The following MEX3D variants were observed in gnomAD, a reference collection of about 807,000 sequenced individuals.
MEX3D encodes RNA-binding protein MEX3D.
Under a neutral mutation model 6.3 loss-of-function variants are expected in MEX3D, and 4 were observed. That is an observed-to-expected ratio of 0.64 (90% CI 0.31 to 1.46). The LOEUF (loss-of-function observed/expected upper bound fraction) is 1.46, where lower values mean the gene tolerates loss of function less well. Among genes scored for constraint, MEX3D ranks in the 40% most tolerant of loss-of-function variants. MEX3D has a pLI of 0.07. For missense variants in MEX3D, 1,038 were observed against 994.4 expected (o/e 1.04, Z -0.59); for synonymous variants, 626 against 494.1 (o/e 1.27, Z -3.54).
intron 1 of MEX3D, among the ~76,000 whole-genome samples, chr19:1,558,919 T>C (rs1337232850): frequency 6.6e-6 from 1 of 151,406 alleles, no homozygotes; most frequent in East Asian, 1.9e-4. Flanking sequence ...AGGCAACCGC[T>C]GACCAGGTAT....
chr19:1,558,857 T>A (rs111579813), intron 1 of MEX3D, among the ~76,000 whole-genome samples: 119 of 152,218 alleles, frequency 7.8e-4, no homozygotes, highest in African/African-American at 2.7e-3. Context: ...TCTGACCTGG[T>A]GAGGGACATG....
chr19:1,563,207 C>T (rs773537478), intron 1 of MEX3D, among the ~76,000 whole-genome samples: 4 of 152,146 alleles, frequency 2.6e-5, no homozygotes, highest in Non-Finnish European at 5.9e-5. Context: ...CCCCAGCTGT[C>T]GGGAAAACCT....
intron 1 of MEX3D, among the ~76,000 whole-genome samples, chr19:1,562,734 G>A (rs975227924): frequency 1.1e-4 from 17 of 152,136 alleles, no homozygotes; most frequent in African/African-American, 3.9e-4. Flanking sequence ...ACAAGAAACC[G>A]CTAGGCGTGG....
rs1423267854 is a variant in MEX3D at position 1,567,700 on chromosome 19, G to T, written c.359C>A (p.Ala120Asp). 1.9e-6 allele frequency: 2 copies of T among 1,074,082 alleles called. No homozygotes were observed. The highest frequency in any genetic ancestry group is 2.3e-6 in the Non-Finnish European group (2 of 877,434). The allele number at this position is 1,074,082 out of a possible 1,614,324, so 66.5% of individuals were successfully genotyped here. A position where few individuals can be genotyped will look rare whatever the true frequency, so the allele number is the denominator to read the frequency against. ...GTCCAGCAGCGGCAGCGACCCGGGG[G>T]CCACGGCGGGGGCCAGGGTCGGGGG... ...GAPPTLAPAV[A>D]PGSLPLLDPN... Residue 120 changes from alanine (A) to aspartate (D), a missense_variant, in exon 1 of 2, where the codon GCC (alanine) becomes GAC (aspartate). Ala to Asp is a moderately radical substitution (Grantham distance 126). Transcript: ENST00000402693. The surrounding 1 kb of genome is among the most constrained non-coding windows in gnomAD (Gnocchi z 6.5).
In MEX3D at chr19:1,559,390, C is replaced by G. The variant is rs1035968589; in HGVS notation, c.596-2467G>C. Among the ~76,000 whole-genome samples, 5 of 152,338 alleles carry G rather than the reference C, an allele frequency of 3.3e-5. No individual in the cohort carries two copies. In the South Asian group the frequency reaches 6.2e-4, roughly 19 times the overall value. ...TCAGGTGATCCACCTGCCTTGGCCT[C>G]CCAAAGTGCTGGGATTACAGGCGTG... is the stretch of plus-strand genomic sequence containing the variant. On this transcript the variant is annotated intron_variant, in intron 1 of 1. Coordinates refer to ENST00000402693, the MANE Select transcript of MEX3D (RefSeq NM_203304.4).
At chr19:1,564,740 G>T (rs1236920568) in intron 1 of MEX3D, among the ~76,000 whole-genome samples, 5 of 152,114 alleles carry the variant, frequency 3.3e-5, no homozygotes, top group Non-Finnish European at 5.9e-5. Context: ...TCTAGGTGGG[G>T]AGGCCGGACA....
Position 1,555,439 on chromosome 19 carries a change from C to T in MEX3D, c.*124G>A. 1 of 1,479,320 alleles carries T rather than the reference C, an allele frequency of 6.8e-7. No homozygotes were observed. The highest frequency in any genetic ancestry group is 9.1e-7 in the Non-Finnish European group (1 of 1,100,304). The allele number at this position is 1,479,320 out of a possible 1,614,324, so 91.6% of individuals were successfully genotyped here. On this transcript the variant is annotated 3_prime_UTR_variant, in exon 2 of 2. Coordinates refer to ENST00000402693, the MANE Select transcript of MEX3D (RefSeq NM_203304.4). ...TGTAAACACTGGCCGCCGCCCACCC[C>T]CCTGCCCCCTCGGCCTCCGCCCCTC...
intron 1 of MEX3D, among the ~76,000 whole-genome samples, chr19:1,565,891 C>T (rs914431480): frequency 1.3e-5 from 2 of 152,222 alleles, no homozygotes; most frequent in African/African-American, 4.8e-5. Context: ...TGCCAGCTCC[C>T]CATGTGGCCA....
Position 1,556,492 on chromosome 19 carries a change from C to T in MEX3D, c.1027G>A (p.Gly343Ser). The change falls in exon 2 of 2, where the codon GGC becomes AGC. Residue 343 changes from glycine to serine, a missense_variant. Physicochemically the swap from Gly to Ser is moderately conservative, Grantham distance 56. This residue lies in a region of MEX3D where 581 missense variants were observed against 516.2 expected (regional missense o/e 1.13). Coordinates refer to ENST00000402693, the MANE Select transcript of MEX3D (RefSeq NM_203304.4). The surrounding 1 kb of genome is among the most constrained non-coding windows in gnomAD (Gnocchi z 7.5). ...TCGGGGCCCGCGTCGGTGAAGGCGC[C>T]AGTGCGCAGCGTGATGTGCGCCTCG... The part of the protein sequence containing the change: ...EIEAHITLRT[G>S]AFTDAGPDSD... The T allele has an allele frequency of 6.2e-7, 1 of 1,604,360 alleles. No individual in the cohort carries two copies. Among genetic ancestry groups the T allele is most frequent in the Non-Finnish European group, 8.5e-7 (1 of 1,178,010 alleles).
chr19:1,567,858 C>T lies in MEX3D; in HGVS notation c.201G>A (p.Ser67=). Residue 67 remains serine (S), a synonymous_variant, in exon 1 of 2, where the codon TCG becomes TCA. Coordinates refer to ENST00000402693, the MANE Select transcript of MEX3D (RefSeq NM_203304.4). This position sits in a 1 kb window ranked among gnomAD's most constrained non-coding sequence, Gnocchi z 6.5. ...AALRLALDQL[S]ALGLGGAGDT... ...CGCCAGCGCCCCCCAGCCCGAGCGC[C>T]GACAGCTGGTCCAGCGCCAGGCGGA... The T allele has an allele frequency of 2.0e-6, 2 of 1,003,188 alleles. No homozygotes were observed. Among genetic ancestry groups the T allele is most frequent in the Non-Finnish European group, 2.4e-6 (2 of 843,002 alleles). 62.1% of individuals were successfully genotyped at this position (1,003,188 alleles called of 1,614,324 possible).
At position 1,556,104 on chromosome 19, in the gene MEX3D, A is replaced by G. The variant is rs1170260594; in HGVS notation, c.1415T>C (p.Ile472Thr). Residue 472 changes from isoleucine (I) to threonine (T), a missense_variant, in exon 2 of 2, where the codon ATC (isoleucine) becomes ACC (threonine). This residue lies in a region of MEX3D where 581 missense variants were observed against 516.2 expected (regional missense o/e 1.13). Transcript: ENST00000402693. The surrounding 1 kb of genome is among the most constrained non-coding windows in gnomAD (Gnocchi z 7.5). ...GGCGGCGCGCTCAAAAGGCGCCCAG[A>G]TGGTGGCCGCGGCGGGCACGGTCAG... ...LDLTVPAAAT[I>T]WAPFERAAPL... 1 of 1,448,698 alleles carries G rather than the reference A, an allele frequency of 6.9e-7. No homozygotes were observed. The highest frequency in any genetic ancestry group is 9.1e-7 in the Non-Finnish European group (1 of 1,100,016). 89.7% of individuals were successfully genotyped at this position (1,448,698 alleles called of 1,614,324 possible). A position where few individuals can be genotyped will look rare whatever the true frequency, so the allele number is the denominator to read the frequency against.
At position 1,567,997 on chromosome 19, in the gene MEX3D, A is replaced by ACGCCGC. The variant is rs1032675165; in HGVS notation, c.56_61dup (p.Gly19_Gly20dup). ...TCCGGGGTCCTCCCCCGCCGCCCCC[A>ACGCCGC]CGCCGCCGCCGCCGCCGCCCCCGCC... On this transcript the variant is annotated inframe_insertion, in exon 1 of 2. Coordinates refer to ENST00000402693, the MANE Select transcript of MEX3D (RefSeq NM_203304.4). The surrounding 1 kb of genome is among the most constrained non-coding windows in gnomAD (Gnocchi z 6.5). 1.9e-5 allele frequency: 18 copies of ACGCCGC among 965,282 alleles called. No individual in the cohort carries two copies. In the Admixed American group the frequency reaches 3.4e-4, roughly 18 times the overall value. 59.8% of individuals were successfully genotyped at this position (965,282 alleles called of 1,614,324 possible).
chr19:1,566,317 G>A (rs115879513), intron 1 of MEX3D, among the ~76,000 whole-genome samples: 2,822 of 152,306 alleles, frequency 0.019, 89 homozygotes, highest in African/African-American at 0.065. Flanking sequence ...AAGACAGGAG[G>A]CTGTGGTGCC....
intron 1 of MEX3D, among the ~76,000 whole-genome samples, chr19:1,566,222 A>G (rs948049646): frequency 4.5e-4 from 69 of 151,866 alleles, no homozygotes; most frequent in Admixed American, 2.9e-3. Flanking sequence ...CTCCCCACCC[A>G]CCACTCCAGA....
At position 1,556,593 on chromosome 19, in the gene MEX3D, G is replaced by A; in HGVS notation, c.926C>T (p.Thr309Met). ...CACCGGCTCCTTGTCGCGCCCGGGCGTCACGATGTAGGTGTGCGTCCGCTG... is the reference window on the plus strand; with the variant it reads ...CACCGGCTCCTTGTCGCGCCCGGGCATCACGATGTAGGTGTGCGTCCGCTG... ...IQQRTHTYIV[T>M]PGRDKEPVFA... Residue 309 changes from threonine to methionine, a missense_variant, in exon 2 of 2, where the codon ACG becomes ATG. Physicochemically the swap from Thr to Met is moderately conservative, Grantham distance 81. Transcript: ENST00000402693. This position sits in a 1 kb window ranked among gnomAD's most constrained non-coding sequence, Gnocchi z 7.5. 2 of 1,609,488 alleles carry A rather than the reference G, an allele frequency of 1.2e-6. No individual in the cohort carries two copies. The highest frequency in any genetic ancestry group is 1.7e-6 in the Non-Finnish European group (2 of 1,178,830).
Position 1,568,239 on chromosome 19 carries a change from G to C in MEX3D, c.-181C>G, listed in dbSNP as rs973927327. On this transcript the variant is annotated 5_prime_UTR_variant, in exon 1 of 2. Coordinates refer to ENST00000402693, the MANE Select transcript of MEX3D (RefSeq NM_203304.4). ...GGCTGCTCGGGGCCGGGCCGGGCCG[G>C]GCCGGGCGGCGGCAGCGACTCTGGC... Among the ~76,000 whole-genome samples, 1 of 142,250 alleles carries C rather than the reference G, an allele frequency of 7.0e-6. No homozygotes were observed. The highest frequency in any genetic ancestry group is 2.1e-4 in the South Asian group (1 of 4,690). The allele number at this position is 142,250 out of a possible 152,430, so 93.3% of individuals were successfully genotyped here. A position where few individuals can be genotyped will look rare whatever the true frequency, so the allele number is the denominator to read the frequency against.
intron 1 of MEX3D, among the ~76,000 whole-genome samples, chr19:1,559,258 A>C (rs1204214616): frequency 6.6e-6 from 1 of 151,946 alleles, no homozygotes; most frequent in African/African-American, 2.4e-5. Flanking sequence ...CAGCTTCCTG[A>C]GTAGCTGGGA....
rs1914905941 is a variant in MEX3D at position 1,568,183 on chromosome 19, GGGCCGGGCGGGCGGGGC to G, written c.-142_-126del. The G allele has an allele frequency of 1.2e-6, 1 of 801,448 alleles. No individual in the cohort carries two copies. Among genetic ancestry groups the G allele is most frequent in the East Asian group, 1.3e-4 (1 of 7,566 alleles). 49.6% of individuals were successfully genotyped at this position (801,448 alleles called of 1,614,324 possible). ...ATCCAGCGGCGGGGGCGGGCACGGG[GGGCCGGGCGGGCGGGGC>G]GGCGGCGGCGCGGGGCTGCTCGGGG... On this transcript the variant is annotated 5_prime_UTR_variant, in exon 1 of 2. Transcript: ENST00000402693.
Position 1,556,682 on chromosome 19 carries a change from G to T in MEX3D, c.837C>A (p.Arg279=). Residue 279 remains arginine, a synonymous_variant, in exon 2 of 2, where the codon CGC becomes CGA. Transcript: ENST00000402693. The surrounding 1 kb of genome is among the most constrained non-coding windows in gnomAD (Gnocchi z 7.5). ...CCAGCCCCACCACCCGGTAGGGCACGCGCACCTGGATGGTGGTCTGTCCGG... is the reference window on the plus strand; with the variant it reads ...CCAGCCCCACCACCCGGTAGGGCACTCGCACCTGGATGGTGGTCTGTCCGG... The part of the protein sequence containing the change: ...NLPGQTTIQV[R]VPYRVVGLVV... 1 of 1,610,754 alleles carries T rather than the reference G, an allele frequency of 6.2e-7. No individual in the cohort carries two copies. The highest frequency in any genetic ancestry group is 1.7e-4 in the Middle Eastern group (1 of 6,056).
Sources: gnomAD v4.1 joint callset for allele counts (sites outside exome capture counted in the v4.1 genomes callset) on GRCh38, gnomAD v4.1.1 for gene constraint, gnomAD v4.1.1 regional missense constraint, Gnocchi (gnomAD v3.1) non-coding constraint, MANE v1.5 for transcripts, NCBI Gene and HGNC (gene_info 2026-07-23, HGNC 2026-07-21) for gene names.